The following GPC5 variants were observed in gnomAD, a reference collection of about 807,000 sequenced individuals.
The protein encoded by GPC5 is glypican-5.
GPC5 carries 47 observed loss-of-function variants against 53.9 expected under a neutral mutation model. The ratio of observed to expected loss-of-function variants is 0.87; its 90% CI spans 0.69 to 1.11. The LOEUF is 1.11. GPC5 is among the 50% of genes most tolerant of loss of function. The probability of loss-of-function intolerance (pLI) is 0.00; values close to 1 mark genes in which losing one functional copy is unlikely to be tolerated. For synonymous variants in GPC5, 286 were observed against 263.3 expected, an observed-to-expected ratio of 1.09 and a Z score of -0.84; for missense variants, 748 against 713.1, an observed-to-expected ratio of 1.05 and a Z score of -0.56.
At chr13:91,692,357 T>C (rs1477598629) in intron 2 of GPC5, among the ~76,000 whole-genome samples, 2 of 152,362 alleles carry the variant, frequency 1.3e-5, no homozygotes, top group East Asian at 1.9e-4. Context: ...AGTTAGAACA[T>C]GTGAGGAGGT....
At chr13:92,783,064 A>T (rs1015909037) in intron 7 of GPC5, among the ~76,000 whole-genome samples, 3 of 152,322 alleles carry the variant, frequency 2.0e-5, no homozygotes, top group African/African-American at 7.2e-5. Flanking sequence ...TAGTTTAAAT[A>T]TTAGCTACCA....
intron 5 of GPC5, among the ~76,000 whole-genome samples, chr13:91,775,839 G>T (rs555945214): frequency 6.9e-4 from 105 of 152,290 alleles, no homozygotes; most frequent in Non-Finnish European, 1.1e-3. Context: ...GTGAGAATCA[G>T]CTATATCTGG....
intron 7 of GPC5, among the ~76,000 whole-genome samples, chr13:92,250,283 G>T (rs1161168647): frequency 6.6e-6 from 1 of 152,138 alleles, no homozygotes; most frequent in African/African-American, 2.4e-5. Context: ...GTTTTAGGCA[G>T]AGTTTTGCTC....
intron 7 of GPC5, among the ~76,000 whole-genome samples, chr13:92,644,200 T>A (rs1885690224): frequency 6.6e-6 from 1 of 152,164 alleles, no homozygotes; most frequent in African/African-American, 2.4e-5. Flanking sequence ...TACTATGTGT[T>A]TTTATTCATA....
chr13:92,107,486 A>T (rs1465128291), intron 6 of GPC5, among the ~76,000 whole-genome samples: 1 of 152,112 alleles, frequency 6.6e-6, no homozygotes, highest in South Asian at 2.1e-4. Context: ...TTCCAGAATA[A>T]TGTAAGGCCA....
At chr13:92,226,882 G>A (rs865971713) in intron 7 of GPC5, among the ~76,000 whole-genome samples, 2 of 152,046 alleles carry the variant, frequency 1.3e-5, no homozygotes, top group Non-Finnish European at 2.9e-5. Context: ...TTGCAGGCGT[G>A]AGCCACCGTA....
chr13:92,624,425 G>A (rs1884981672), intron 7 of GPC5, among the ~76,000 whole-genome samples: 1 of 152,028 alleles, frequency 6.6e-6, no homozygotes, highest in Admixed American at 6.5e-5. Flanking sequence ...ACCCTTTAAT[G>A]GAAACTTTTC....
chr13:92,147,150 T>TTAAC (rs2041873274), intron 7 of GPC5, among the ~76,000 whole-genome samples: 1 of 29,654 alleles, frequency 3.4e-5, no homozygotes, highest in Non-Finnish European at 6.2e-5. Context: ...AAATTATAAT[T>TTAAC]TATGTGAGGT....
At chr13:91,576,387 G>A (rs11841269) in intron 2 of GPC5, among the ~76,000 whole-genome samples, 9,652 of 151,592 alleles carry the variant, frequency 0.064, 1,022 homozygotes, top group African/African-American at 0.22. Context: ...TTAGTAGTTA[G>A]AAATAAATAA....
intron 7 of GPC5, among the ~76,000 whole-genome samples, chr13:92,296,987 C>T (rs1042244619): frequency 1.3e-5 from 2 of 152,142 alleles, no homozygotes; most frequent in African/African-American, 2.4e-5. Flanking sequence ...GCCTCCCCGA[C>T]GAGCACCACC....
chr13:92,143,418 C>T (rs1158218346), intron 6 of GPC5, among the ~76,000 whole-genome samples: 1 of 151,668 alleles, frequency 6.6e-6, no homozygotes, highest in Non-Finnish European at 1.5e-5. Context: ...ATCTGTGTTT[C>T]TTCATTGCTG....
rs1182689626 is a variant in GPC5 at position 92,751,302 on chromosome 13, TTAAAAAAAAAAAAAAAAAAA to T, written c.1562-114979_1562-114960del. 4.7e-3 allele frequency among the ~76,000 whole-genome samples: 161 copies of T among 34,426 alleles called. 6 individuals are homozygous for T. The highest frequency in any genetic ancestry group is 0.016 in the African/African-American group (158 of 9,806). The allele number at this position is 34,426 out of a possible 152,430, so 22.6% of individuals were successfully genotyped here. The stretch of plus-strand genomic sequence containing the variant: ...AAAACCTTTGGTCATCCAGAAACAT[TTAAAAAAAAAAAAAAAAAAA>T]AAAAAAAAAAAAACCTTCCAACCTC... On this transcript the variant is annotated intron_variant, in intron 7 of 7. Transcript: ENST00000377067.
intron 5 of GPC5, among the ~76,000 whole-genome samples, chr13:91,818,797 A>G (rs1040616741): frequency 6.6e-6 from 1 of 152,218 alleles, no homozygotes; most frequent in African/African-American, 2.4e-5. Flanking sequence ...TATAAGATAT[A>G]TAAATACAAG....
intron 7 of GPC5, among the ~76,000 whole-genome samples, chr13:92,816,192 AT>A (rs1381294164): frequency 2.6e-5 from 4 of 152,014 alleles, no homozygotes; most frequent in Non-Finnish European, 4.4e-5. Context: ...GTTATACATA[AT>A]TTTCATTCTG....
intron 7 of GPC5, among the ~76,000 whole-genome samples, chr13:92,636,397 G>T (rs945056835): frequency 6.6e-6 from 1 of 152,118 alleles, no homozygotes; most frequent in African/African-American, 2.4e-5. Context: ...TTTGCTGAGC[G>T]TAGCTATGCT....
chr13:92,764,527 G>A (rs1003550019), intron 7 of GPC5, among the ~76,000 whole-genome samples: 1 of 152,176 alleles, frequency 6.6e-6, no homozygotes, highest in African/African-American at 2.4e-5. Context: ...GAGGACTGTA[G>A]GTGTCCAAGG....
intron 6 of GPC5, among the ~76,000 whole-genome samples, chr13:92,127,997 C>T (rs2041713402): frequency 1.3e-5 from 2 of 152,118 alleles, no homozygotes; most frequent in African/African-American, 4.8e-5. Flanking sequence ...TTCCATTTGC[C>T]TGGGCTCCTT....
chr13:91,513,470 G>T (rs771704549), intron 2 of GPC5, among the ~76,000 whole-genome samples: 1 of 152,136 alleles, frequency 6.6e-6, no homozygotes, highest in Non-Finnish European at 1.5e-5. Context: ...GCTGGGCGCG[G>T]TGGCTCATGC....
At chr13:92,709,886 ATAGCTCCTCTTCTTTT>A (rs1888076780) in intron 7 of GPC5, among the ~76,000 whole-genome samples, 1 of 152,236 alleles carries the variant, frequency 6.6e-6, no homozygotes, top group Admixed American at 6.5e-5. Context: ...GGTCTTGGCC[ATAGCTCCTCTTCTTTT>A]AAGTGGATGC....
Sources: allele counts gnomAD v4.1 joint callset (sites outside exome capture counted in the v4.1 genomes callset), GRCh38; gene constraint gnomAD v4.1.1; transcripts MANE v1.5; gene names NCBI Gene and HGNC (gene_info 2026-07-23, HGNC 2026-07-21).